The following SLC30A8 variants were observed in gnomAD, a reference collection of about 807,000 sequenced individuals.
SLC30A8 encodes proton-coupled zinc antiporter SLC30A8.
SLC30A8 carries 27 observed loss-of-function variants against 36.9 expected under a neutral mutation model. The ratio of observed to expected loss-of-function variants is 0.73; its 90% CI spans 0.54 to 1.01. The LOEUF (loss-of-function observed/expected upper bound fraction) is 1.01. Among genes scored for constraint, SLC30A8 ranks in the 50% least tolerant of loss-of-function variants. The pLI, the probability that SLC30A8 is intolerant of heterozygous loss-of-function variation, is 0.00. For missense variants in SLC30A8, 439 were observed against 452.0 expected, an observed-to-expected ratio of 0.97 and a Z score of 0.26; for synonymous variants, 164 against 172.4, an observed-to-expected ratio of 0.95 and a Z score of 0.38.
chr8:116,961,225 T>G (rs112418781), intron 1 of SLC30A8, among the ~76,000 whole-genome samples: 1 of 152,012 alleles, frequency 6.6e-6, no homozygotes, highest in African/African-American at 2.4e-5. Flanking sequence ...GTCAGGAGAT[T>G]GAGACCATCC....
At chr8:116,987,078 G>T (rs1815470469) in intron 1 of SLC30A8, among the ~76,000 whole-genome samples, 1 of 151,662 alleles carries the variant, frequency 6.6e-6, no homozygotes, top group East Asian at 1.9e-4. Context: ...AGAAAAATCA[G>T]TTTTCAGACT....
At chr8:117,144,061 C>T (rs1484049917) in intron 1 of SLC30A8, among the ~76,000 whole-genome samples, 2 of 152,074 alleles carry the variant, frequency 1.3e-5, no homozygotes, top group Non-Finnish European at 2.9e-5. Context: ...CCAGGCAGTT[C>T]CAGAACAATT....
intron 2 of SLC30A8, among the ~76,000 whole-genome samples, chr8:117,088,786 T>C (rs529874147): frequency 1.3e-5 from 2 of 152,336 alleles, no homozygotes; most frequent in South Asian, 4.1e-4. Flanking sequence ...TGGGATACTG[T>C]TGAGTCCAGA....
chr8:116,953,251 AT>A (rs996335006), intron 1 of SLC30A8, among the ~76,000 whole-genome samples: 2 of 151,508 alleles, frequency 1.3e-5, no homozygotes, highest in African/African-American at 4.9e-5. Flanking sequence ...TACGTACCAC[AT>A]TTTTTTTCAA....
rs181776048 is a variant in SLC30A8 at position 117,006,376 on chromosome 8, A to G, written c.-265-32843A>G. On this transcript the variant is annotated intron_variant, in intron 1 of 10. Transcript: ENST00000427715. ...CACAGTTGCAAGATGGAGTGTAAGC[A>G]TTATGCCCTCACCCTGCTCTTCCCA... is the stretch of plus-strand genomic sequence containing the variant. Among the ~76,000 whole-genome samples, 249 of 152,286 alleles carry G rather than the reference A, an allele frequency of 1.6e-3. 3 individuals are homozygous for G. The highest frequency in any genetic ancestry group is 5.1e-4 in the Non-Finnish European group (35 of 68,016).
chr8:117,133,797 A>AG (rs1821236238), upstream of SLC30A8, among the ~76,000 whole-genome samples: 2 of 152,114 alleles, frequency 1.3e-5, no homozygotes, highest in African/African-American at 4.8e-5. Context: ...AGAATATACG[A>AG]GAAAAAATAC....
chr8:117,103,001 A>T (rs986313416), intron 2 of SLC30A8, among the ~76,000 whole-genome samples: 3 of 152,032 alleles, frequency 2.0e-5, no homozygotes, highest in African/African-American at 7.2e-5. Context: ...AACATCCCCA[A>T]AAGTCTTGAG....
chr8:117,148,479 CTG>C (rs1435708683), intron 2 of SLC30A8, among the ~76,000 whole-genome samples: 2 of 152,058 alleles, frequency 1.3e-5, no homozygotes, highest in Non-Finnish European at 2.9e-5. Context: ...GTTATAATAT[CTG>C]TTATTTCCTA....
Position 117,146,916 on chromosome 8 carries a change from C to A in SLC30A8, c.72-38C>A, listed in dbSNP as rs781725588. On this transcript the variant is annotated intron_variant, in intron 1 of 7. Coordinates refer to ENST00000456015, the MANE Select transcript of SLC30A8 (RefSeq NM_173851.3). The stretch of plus-strand genomic sequence containing the variant: ...GGGTCAGTGAGTGGCTTGTTTGCAA[C>A]TATGTTCACTTCTTGCTTCTGTCAA... The A allele has an allele frequency of 1.9e-6, 3 of 1,610,854 alleles. No individual in the cohort carries two copies. In the South Asian group the frequency reaches 3.3e-5, roughly 18 times the overall value.
At chr8:117,102,981 C>T (rs186558737) in intron 2 of SLC30A8, among the ~76,000 whole-genome samples, 126 of 152,144 alleles carry the variant, frequency 8.3e-4, no homozygotes, top group Non-Finnish European at 1.4e-3. Context: ...AAATACATTC[C>T]CTCCATCCTA....
chr8:117,079,797 C>T (rs557188518), intron 2 of SLC30A8, among the ~76,000 whole-genome samples: 8 of 152,290 alleles, frequency 5.3e-5, no homozygotes, highest in South Asian at 2.1e-4. Context: ...ACTGGGGCTA[C>T]GAGAGTAAGT....
intron 2 of SLC30A8, among the ~76,000 whole-genome samples, chr8:117,059,904 G>C (rs935747049): frequency 2.0e-5 from 3 of 152,128 alleles, no homozygotes; most frequent in African/African-American, 7.2e-5. Flanking sequence ...TTCCCAGTAG[G>C]CTAAGGGAAA....
chr8:117,015,541 C>A (rs1348151671), intron 1 of SLC30A8, among the ~76,000 whole-genome samples: 3 of 151,794 alleles, frequency 2.0e-5, no homozygotes, highest in Non-Finnish European at 2.9e-5. Context: ...TATGCACCCC[C>A]CCCCCCCAAA....
chr8:117,072,837 CTTT>C lies in SLC30A8; in HGVS notation c.-226+33594_-226+33596del, dbSNP rs59816392. ...CTGCTCAAACCCCCAAATCCTACTA[CTTT>C]TTTTTTTTTTTTTTCAAATACAGGG... On this transcript the variant is annotated intron_variant, in intron 2 of 10. Coordinates refer to the SLC30A8 transcript ENST00000427715. Among the ~76,000 whole-genome samples, 680 of 139,784 alleles carry C rather than the reference CTTT, an allele frequency of 4.9e-3. 9 individuals carry two copies. Among genetic ancestry groups the C allele is most frequent in the African/African-American group, 0.016 (622 of 38,726 alleles). 91.7% of individuals were successfully genotyped at this position (139,784 alleles called of 152,430 possible).
intron 2 of SLC30A8, among the ~76,000 whole-genome samples, chr8:117,047,210 A>G (rs190544960): frequency 4.9e-4 from 75 of 152,298 alleles, no homozygotes; most frequent in Non-Finnish European, 8.1e-4. Flanking sequence ...AACCTTGGTA[A>G]AAGTATTCTC....
chr8:117,015,197 C>T lies in SLC30A8; in HGVS notation c.-265-24022C>T, dbSNP rs1040549063. Among the ~76,000 whole-genome samples, 8 of 151,904 alleles carry T rather than the reference C, an allele frequency of 5.3e-5. No homozygotes were observed. The East Asian group carries it at 1.5e-3, about 29-fold the overall frequency. On this transcript the variant is annotated intron_variant, in intron 1 of 10. Coordinates refer to the SLC30A8 transcript ENST00000427715. Reference sequence around the variant, plus strand: ...CATAAAACTTCTTAAAAGTTCCCCGCTATCTGACTTTCTTTATATGTTCTA... The same window carrying T: ...CATAAAACTTCTTAAAAGTTCCCCGTTATCTGACTTTCTTTATATGTTCTA...
At chr8:117,144,925 T>C (rs538293812) in intron 1 of SLC30A8, among the ~76,000 whole-genome samples, 1 of 152,308 alleles carries the variant, frequency 6.6e-6, no homozygotes, top group East Asian at 1.9e-4. Context: ...ATAGTGGTTG[T>C]TTCTCATTTA....
intron 1 of SLC30A8, among the ~76,000 whole-genome samples, chr8:117,016,888 CTA>C (rs1816536537): frequency 6.6e-6 from 1 of 151,940 alleles, no homozygotes; most frequent in African/African-American, 2.4e-5. Context: ...TTTAAAAGAT[CTA>C]TATTTCTAAT....
chr8:116,950,457 C>T (rs1407634255), upstream of SLC30A8: 1 of 152,190 alleles, frequency 6.6e-6, no homozygotes, highest in Non-Finnish European at 1.5e-5. Flanking sequence ...GCCTAGGAGA[C>T]CTACTACCTA....
Sources: gnomAD v4.1 joint callset for allele counts (sites outside exome capture counted in the v4.1 genomes callset) on GRCh38, gnomAD v4.1.1 for gene constraint, MANE v1.5 for transcripts, NCBI Gene and HGNC (gene_info 2026-07-23, HGNC 2026-07-21) for gene names.